PBX3: variants seen among roughly 807,000 people sequenced by gnomAD.
PBX3 encodes the protein pre-B-cell leukemia transcription factor 3.
A neutral mutation model predicts 48.5 loss-of-function variants in PBX3; 14 were observed. The observed-to-expected ratio is 0.29, with a 90% CI of 0.19 to 0.45. The LOEUF is 0.45. Among genes scored for constraint, PBX3 ranks in the 20% least tolerant of loss-of-function variants. PBX3 has a pLI of 1.00. For missense variants in PBX3, 386 were observed against 546.7 expected, an observed-to-expected ratio of 0.71 and a Z score of 2.93; for synonymous variants, 210 against 200.3, an observed-to-expected ratio of 1.05 and a Z score of -0.41.
chr9:125,775,933 A>G (rs993674560), intron 2 of PBX3, among the ~76,000 whole-genome samples: 2 of 152,188 alleles, frequency 1.3e-5, no homozygotes, highest in Admixed American at 6.5e-5. Context: ...TCATTGTACC[A>G]ATCTTTCACC....
At chr9:125,949,163 C>G (rs73668736) in intron 5 of PBX3, among the ~76,000 whole-genome samples, 2 of 152,120 alleles carry the variant, frequency 1.3e-5, no homozygotes, top group Non-Finnish European at 2.9e-5. Flanking sequence ...AGACTCTGCT[C>G]CAGCACTATT....
intron 2 of PBX3, among the ~76,000 whole-genome samples, chr9:125,789,797 T>C (rs756702671): frequency 2.0e-5 from 3 of 152,154 alleles, no homozygotes; most frequent in African/African-American, 4.8e-5. Context: ...TTAATAGATA[T>C]TATGAAATAT....
intron 4 of PBX3, 108 bp from the exon 5 acceptor site, chr9:125,935,364 G>C: frequency 2.2e-6 from 2 of 896,252 alleles, no homozygotes; most frequent in Non-Finnish European, 3.5e-6. Flanking sequence ...AGACCTTAAG[G>C]ATGTTTAAAA....
At chr9:125,876,595 A>C (rs1398664092) in intron 2 of PBX3, among the ~76,000 whole-genome samples, 1 of 152,160 alleles carries the variant, frequency 6.6e-6, no homozygotes, top group East Asian at 1.9e-4. Context: ...TAACATCCAA[A>C]ATAGGTGTTA....
chr9:125,891,323 T>C (rs1840636501), intron 2 of PBX3, among the ~76,000 whole-genome samples: 1 of 152,274 alleles, frequency 6.6e-6, no homozygotes, highest in Admixed American at 6.5e-5. Context: ...TCAAGTGAAA[T>C]ATATAAAGAT....
At chr9:125,963,715 G>A (rs1451275817) in intron 8 of PBX3, among the ~76,000 whole-genome samples, 2 of 152,104 alleles carry the variant, frequency 1.3e-5, no homozygotes, top group Non-Finnish European at 2.9e-5. Context: ...CATCGTGGTG[G>A]TGCTGCGGGG....
intron 5 of PBX3, among the ~76,000 whole-genome samples, chr9:125,948,425 A>T (rs1412812055): frequency 2.0e-5 from 3 of 152,242 alleles, no homozygotes; most frequent in Admixed American, 6.5e-5. Context: ...CAAACTAGAA[A>T]TGACAAACAG....
intron 2 of PBX3, among the ~76,000 whole-genome samples, chr9:125,887,154 G>A (rs978029031): frequency 7.9e-5 from 12 of 152,172 alleles, no homozygotes; most frequent in Admixed American, 7.2e-4. Flanking sequence ...TTGTTGAAGA[G>A]AAATTTTATG....
intron 2 of PBX3, among the ~76,000 whole-genome samples, chr9:125,776,492 A>G (rs544490087): frequency 1.4e-4 from 21 of 152,270 alleles, no homozygotes; most frequent in East Asian, 5.8e-4. Flanking sequence ...ATATTGGTCT[A>G]TAGTTTTCTT....
chr9:125,954,408 T>C (rs369244457), intron 5 of PBX3, among the ~76,000 whole-genome samples: 1 of 152,368 alleles, frequency 6.6e-6, no homozygotes, highest in East Asian at 1.9e-4. Flanking sequence ...TCAATTTCCA[T>C]ATATTCCTTT....
intron 2 of PBX3, among the ~76,000 whole-genome samples, chr9:125,789,517 C>T (rs941260034): frequency 2.0e-5 from 3 of 152,146 alleles, no homozygotes; most frequent in Non-Finnish European, 4.4e-5. Flanking sequence ...TTTAGGGCAG[C>T]TTACAGCATG....
chr9:125,876,709 G>A (rs990644186), intron 2 of PBX3, among the ~76,000 whole-genome samples: 4 of 151,966 alleles, frequency 2.6e-5, no homozygotes, highest in African/African-American at 9.7e-5. Context: ...ACTGTGTAGG[G>A]GCTGGTGCCT....
intron 2 of PBX3, among the ~76,000 whole-genome samples, chr9:125,764,991 ATAAAAT>A (rs1836765149): frequency 1.3e-5 from 2 of 152,158 alleles, no homozygotes; most frequent in Admixed American, 6.5e-5. Flanking sequence ...AATCCAATCA[ATAAAAT>A]TAAAATAAAA....
rs762107155 is a variant in PBX3 at position 125,962,086 on chromosome 9, A to T, written c.1010-16A>T. 30 of 1,337,554 alleles carry T rather than the reference A, an allele frequency of 2.2e-5. No homozygotes were observed. The highest frequency in any genetic ancestry group is 3.2e-5 in the Non-Finnish European group (30 of 928,570). The allele number at this position is 1,337,554 out of a possible 1,614,324, so 82.9% of individuals were successfully genotyped here. On this transcript the variant is annotated splice_polypyrimidine_tract_variant and intron_variant, in intron 6 of 8. Coordinates refer to ENST00000373489, the MANE Select transcript of PBX3 (RefSeq NM_006195.6). ...TAGCTCTCTGTTATTCAGCTACTTA[A>T]CTCTTTCCTTTCCAGGTTCTTCTGG...
At chr9:125,820,929 A>G (rs778500314) in intron 2 of PBX3, among the ~76,000 whole-genome samples, 13 of 152,354 alleles carry the variant, frequency 8.5e-5, no homozygotes, top group Non-Finnish European at 1.9e-4. Context: ...GCAAAAGGCA[A>G]TACTACTACA....
chr9:125,798,083 C>T (rs10986926), intron 2 of PBX3, among the ~76,000 whole-genome samples: 9,013 of 152,082 alleles, frequency 0.059, 611 homozygotes, highest in East Asian at 0.17. Context: ...TGCAAACATA[C>T]GTTTCTGTAT....
intron 3 of PBX3, among the ~76,000 whole-genome samples, chr9:125,922,607 GAAGT>G (rs1305665129): frequency 6.6e-6 from 1 of 152,164 alleles, no homozygotes; most frequent in Non-Finnish European, 1.5e-5. Context: ...TTATAGACAT[GAAGT>G]AAGATATGAT....
chr9:125,769,245 C>T (rs987765861), intron 2 of PBX3, among the ~76,000 whole-genome samples: 13 of 152,144 alleles, frequency 8.5e-5, no homozygotes, highest in African/African-American at 2.4e-4. Flanking sequence ...TGTGCAATGG[C>T]GCCAGCAGTT....
chr9:125,935,744 A>G, intron 5 of PBX3, 137 bp downstream of exon 5: 1 of 937,110 alleles, frequency 1.1e-6, no homozygotes, highest in East Asian at 2.7e-5. Context: ...AGATATTTCC[A>G]CAGTTTTAGG....
Sources: allele counts gnomAD v4.1 joint callset (sites outside exome capture counted in the v4.1 genomes callset), GRCh38; gene constraint gnomAD v4.1.1; transcripts MANE v1.5; gene names NCBI Gene and HGNC (gene_info 2026-07-23, HGNC 2026-07-21).